The following MLLT3 variants were observed in gnomAD, a reference collection of about 807,000 sequenced individuals.
MLLT3 encodes the protein MLLT3 super elongation complex subunit, also known as protein AF-9.
MLLT3 carries 4 observed loss-of-function variants against 53.2 expected under a neutral mutation model. That is an observed-to-expected ratio of 0.08 (90% CI 0.04 to 0.17). The LOEUF (loss-of-function observed/expected upper bound fraction) is 0.17, where lower values mean the gene tolerates loss of function less well. Among genes scored for constraint, MLLT3 ranks in the 10% least tolerant of loss-of-function variants. The pLI is 1.00. For missense variants in MLLT3, 569 were observed against 684.0 expected (o/e 0.83, Z 1.87); for synonymous variants, 283 against 230.6 (o/e 1.23, Z -2.06).
At chr9:20,503,114 A>T (rs1466996574) in intron 2 of MLLT3, among the ~76,000 whole-genome samples, 3 of 152,216 alleles carry the variant, frequency 2.0e-5, no homozygotes, top group Admixed American at 6.5e-5. Context: ...TAGTGTTAAA[A>T]TGTCCACACT....
At chr9:20,610,662 G>C (rs1221628852) in intron 2 of MLLT3, among the ~76,000 whole-genome samples, 3 of 152,070 alleles carry the variant, frequency 2.0e-5, no homozygotes, top group African/African-American at 4.8e-5. Context: ...TGATAACATA[G>C]GTCCCATCCT....
chr9:20,342,485 A>G lies in MLLT3; in HGVS notation c.*3958T>C, dbSNP rs1331191928. 1 of 222,314 alleles carries G rather than the reference A, an allele frequency of 4.5e-6. No homozygotes were observed. The highest frequency in any genetic ancestry group is 9.0e-6 in the Non-Finnish European group (1 of 111,302). 13.8% of individuals were successfully genotyped at this position (222,314 alleles called of 1,614,324 possible). The stretch of plus-strand genomic sequence containing the variant: ...TTTGCACTGCATGGTAGCTCTGGCC[A>G]CCATTAAGGATCTGTCAGCATTTCC... On this transcript the variant is annotated 3_prime_UTR_variant, in exon 11 of 11. Transcript: ENST00000380338.
At chr9:20,471,347 T>C (rs745882879) in intron 2 of MLLT3, among the ~76,000 whole-genome samples, 48 of 152,014 alleles carry the variant, frequency 3.2e-4, no homozygotes, top group Non-Finnish European at 4.1e-4. Flanking sequence ...TTCGGAGAAA[T>C]GCAAGGTCTC....
At chr9:20,507,387 A>G (rs183789981) in intron 2 of MLLT3, among the ~76,000 whole-genome samples, 37 of 152,286 alleles carry the variant, frequency 2.4e-4, no homozygotes, top group Admixed American at 2.0e-3. Flanking sequence ...TGCCTCCCCC[A>G]AGTTGACTGC....
intron 2 of MLLT3, among the ~76,000 whole-genome samples, chr9:20,463,000 A>G (rs975775865): frequency 1.1e-4 from 16 of 152,138 alleles, no homozygotes; most frequent in Non-Finnish European, 4.4e-5. Context: ...AACAGACAAT[A>G]CAAATAAAGT....
At chr9:20,591,091 T>C (rs1820116931) in intron 2 of MLLT3, among the ~76,000 whole-genome samples, 1 of 152,168 alleles carries the variant, frequency 6.6e-6, no homozygotes. Context: ...TTTAGTCACA[T>C]TAACCCACAA....
intron 2 of MLLT3, among the ~76,000 whole-genome samples, chr9:20,603,168 T>A (rs1587122640): frequency 6.6e-6 from 1 of 152,268 alleles, no homozygotes; most frequent in African/African-American, 2.4e-5. Flanking sequence ...CAGTCTTCTA[T>A]AATCTTATCC....
At chr9:20,405,532 G>A (rs934728466) in intron 5 of MLLT3, among the ~76,000 whole-genome samples, 11 of 152,130 alleles carry the variant, frequency 7.2e-5, no homozygotes, top group African/African-American at 2.7e-4. Context: ...ACCTGGATTC[G>A]AATTCTTGCT....
intron 2 of MLLT3, among the ~76,000 whole-genome samples, chr9:20,612,423 C>A (rs1014187077): frequency 6.6e-6 from 1 of 151,966 alleles, no homozygotes; most frequent in Non-Finnish European, 1.5e-5. Flanking sequence ...ACTATGGCCA[C>A]GAACTAAATT....
chr9:20,463,557 T>G lies in MLLT3; in HGVS notation c.194-6771A>C, dbSNP rs1035887718. Among the ~76,000 whole-genome samples, 5 of 152,290 alleles carry G rather than the reference T, an allele frequency of 3.3e-5. No individual in the cohort carries two copies. In the South Asian group the frequency reaches 1.0e-3, roughly 32 times the overall value. ...AAATATAATTTCTCAGGCTTACATC[T>G]TTCACTAAAATTGATAGTGCTTCTC... On this transcript the variant is annotated intron_variant, in intron 2 of 10. Transcript: ENST00000380338.
At chr9:20,599,289 G>A (rs1470513602) in intron 2 of MLLT3, among the ~76,000 whole-genome samples, 4 of 144,786 alleles carry the variant, frequency 2.8e-5, no homozygotes, top group African/African-American at 7.8e-5. Context: ...GGGCGACAGA[G>A]TAAGACTCTG....
At chr9:20,615,360 GAAAAAAAAAAAAAAAAAAAAAA>G (rs10601830) in intron 2 of MLLT3, among the ~76,000 whole-genome samples, 1 of 48,758 alleles carries the variant, frequency 2.1e-5, no homozygotes, top group South Asian at 1.2e-3. Context: ...CAGACCATGT[GAAAAAAAAAAAAAAAAAAAAAA>G]AAAAAAAAAA....
At chr9:20,539,261 C>A (rs1818562991) in intron 2 of MLLT3, among the ~76,000 whole-genome samples, 1 of 152,202 alleles carries the variant, frequency 6.6e-6, no homozygotes, top group African/African-American at 2.4e-5. Context: ...TCAAACCTTG[C>A]CACTGCTTTA....
intron 2 of MLLT3, among the ~76,000 whole-genome samples, chr9:20,601,664 A>G (rs1820423845): frequency 6.6e-6 from 1 of 152,234 alleles, no homozygotes; most frequent in Non-Finnish European, 1.5e-5. Flanking sequence ...GTGTCCTGAA[A>G]GCAGACAGAT....
chr9:20,613,587 CT>C lies in MLLT3; in HGVS notation c.193+7066del, dbSNP rs533322604. On this transcript the variant is annotated intron_variant, in intron 2 of 10. Transcript: ENST00000380338. ...ATATCATTCTCTGCATTTCCCCATG[CT>C]TTTTTTTTTTTAATTAAAAAAGCAG... 5.1e-3 allele frequency among the ~76,000 whole-genome samples: 722 copies of C among 141,642 alleles called. 2 individuals carry two copies. The highest frequency in any genetic ancestry group is 0.011 in the African/African-American group (441 of 38,858). 92.9% of individuals were successfully genotyped at this position (141,642 alleles called of 152,430 possible).
At chr9:20,612,937 G>A (rs961631036) in intron 2 of MLLT3, among the ~76,000 whole-genome samples, 3 of 152,072 alleles carry the variant, frequency 2.0e-5, no homozygotes, top group South Asian at 2.1e-4. Flanking sequence ...CAAAATCTAG[G>A]CCTATGTCCA....
chr9:20,574,359 T>C lies in MLLT3; in HGVS notation c.193+46295A>G, dbSNP rs1449477571. Among the ~76,000 whole-genome samples, 3 of 152,298 alleles carry C rather than the reference T, an allele frequency of 2.0e-5. No individual in the cohort carries two copies. In the East Asian group the frequency reaches 5.8e-4, roughly 29 times the overall value. ...TACCACACATTTTAAAGAACAAAAG[T>C]TCTGTGAAAAGTCACTATGGTGTAA... On this transcript the variant is annotated intron_variant, in intron 2 of 10. Transcript: ENST00000380338.
At chr9:20,361,374 A>G (rs1359037104) in intron 7 of MLLT3, among the ~76,000 whole-genome samples, 1 of 152,208 alleles carries the variant, frequency 6.6e-6, no homozygotes, top group Non-Finnish European at 1.5e-5. Flanking sequence ...CAGGGGAAGA[A>G]GCAACCACAT....
chr9:20,566,070 G>GTATATA (rs59918419), intron 2 of MLLT3, among the ~76,000 whole-genome samples: 31 of 131,304 alleles, frequency 2.4e-4, no homozygotes, highest in Middle Eastern at 3.8e-3. Flanking sequence ...ATATATTTGT[G>GTATATA]TATATATATA....
Sources: allele counts gnomAD v4.1 joint callset (sites outside exome capture counted in the v4.1 genomes callset), GRCh38; gene constraint gnomAD v4.1.1; transcripts MANE v1.5; gene names NCBI Gene and HGNC (gene_info 2026-07-23, HGNC 2026-07-21).